MAP4K5: variants seen among roughly 807,000 people sequenced by gnomAD.
MAP4K5 encodes mitogen-activated protein kinase kinase kinase kinase 5, also known as MAPK/ERK kinase kinase kinase 5.
In MAP4K5, 82 loss-of-function variants were observed where a neutral mutation model predicts 135.6. The observed-to-expected ratio is 0.60, with a 90% CI of 0.51 to 0.73. The LOEUF (loss-of-function observed/expected upper bound fraction) is 0.73, where lower values mean the gene tolerates loss of function less well. MAP4K5 is among the 30% of genes least tolerant of loss of function. The pLI is 0.00. For missense variants in MAP4K5, 907 were observed against 1,010.9 expected (o/e 0.90, Z 1.39); for synonymous variants, 347 against 335.0 (o/e 1.04, Z -0.39).
At chr14:50,524,980 C>A (rs2038231147) in intron 2 of MAP4K5, among the ~76,000 whole-genome samples, 1 of 152,164 alleles carries the variant, frequency 6.6e-6, no homozygotes, top group Non-Finnish European at 1.5e-5. Flanking sequence ...AGAACTTCCT[C>A]ATACCGCTTT....
intron 2 of MAP4K5, among the ~76,000 whole-genome samples, chr14:50,514,118 C>A (rs1391501468): frequency 2.0e-5 from 3 of 152,158 alleles, no homozygotes; most frequent in Non-Finnish European, 2.9e-5. Context: ...TGCTCTGTCA[C>A]CCAGGCTGGA....
chr14:50,522,003 T>C (rs1361677839), intron 2 of MAP4K5, among the ~76,000 whole-genome samples: 2 of 152,214 alleles, frequency 1.3e-5, no homozygotes, highest in Admixed American at 1.3e-4. Flanking sequence ...TGCTTGTTAA[T>C]AGAGTTCATG....
At chr14:50,504,327 A>G (rs905897378) in intron 3 of MAP4K5, among the ~76,000 whole-genome samples, 2 of 152,140 alleles carry the variant, frequency 1.3e-5, no homozygotes, top group African/African-American at 2.4e-5. Context: ...TTATTTGCAA[A>G]GCAAACTATT....
intron 2 of MAP4K5, among the ~76,000 whole-genome samples, chr14:50,524,663 G>A (rs78561940): frequency 0.014 from 2,148 of 151,874 alleles, 40 homozygotes; most frequent in African/African-American, 0.049. Context: ...TAGGCGATAA[G>A]ATGGAAGAGA....
intron 1 of MAP4K5, chr14:50,559,413 A>G (rs1386406195): frequency 6.6e-6 from 1 of 152,232 alleles, no homozygotes; most frequent in East Asian, 1.9e-4. Flanking sequence ...AAAGGGAAAG[A>G]TTGAAAGTAT....
intron 2 of MAP4K5, among the ~76,000 whole-genome samples, chr14:50,524,040 T>C (rs978586194): frequency 6.6e-6 from 1 of 152,220 alleles, no homozygotes; most frequent in Admixed American, 6.5e-5. Context: ...CTATGTTTTT[T>C]CCTTTTATCT....
At chr14:50,521,291 G>A (rs2038146506) in intron 2 of MAP4K5, among the ~76,000 whole-genome samples, 1 of 152,166 alleles carries the variant, frequency 6.6e-6, no homozygotes, top group African/African-American at 2.4e-5. Context: ...CTCAGTAGAG[G>A]GGTAAGGCTT....
intron 2 of MAP4K5, among the ~76,000 whole-genome samples, chr14:50,518,728 G>C (rs1326015597): frequency 6.6e-6 from 1 of 152,170 alleles, no homozygotes; most frequent in East Asian, 1.9e-4. Flanking sequence ...ATCTGTCTCT[G>C]AAAAGGTTTC....
In MAP4K5 at chr14:50,492,258, C is replaced by G. The variant is rs1331893936; in HGVS notation, c.167-6064G>C. Among the ~76,000 whole-genome samples, 3 of 151,984 alleles carry G rather than the reference C, an allele frequency of 2.0e-5. No homozygotes were observed. In the East Asian group the frequency reaches 5.8e-4, roughly 29 times the overall value. On this transcript the variant is annotated intron_variant, in intron 3 of 32. Coordinates refer to ENST00000682126, the MANE Select transcript of MAP4K5 (RefSeq NM_006575.6). ...TTTCCAAGATACAACACCAAAAGCA[C>G]AGGTAACAAAAGCAAAAACAGAGAG... is the stretch of plus-strand genomic sequence containing the variant.
intron 10 of MAP4K5, among the ~76,000 whole-genome samples, 176 bp from the exon 11 acceptor site, chr14:50,466,821 CTT>C (rs986979316): frequency 2.6e-5 from 4 of 152,078 alleles, no homozygotes; most frequent in South Asian, 2.1e-4. Context: ...AAAAATTTCT[CTT>C]GACTACAGAG....
intron 5 of MAP4K5, 156 bp from the exon 6 acceptor site, chr14:50,482,572 C>T: frequency 1.2e-5 from 6 of 515,334 alleles, no homozygotes; most frequent in South Asian, 2.2e-5. Context: ...AGGTCAAGAG[C>T]TCGAGACTAT....
chr14:50,438,656 A>C (rs1566640476), intron 23 of MAP4K5, among the ~76,000 whole-genome samples: 1 of 152,150 alleles, frequency 6.6e-6, no homozygotes, highest in Non-Finnish European at 1.5e-5. Context: ...AATACAAAAC[A>C]ATATTTATCT....
intron 1 of MAP4K5, among the ~76,000 whole-genome samples, chr14:50,560,833 G>C (rs1182140229): frequency 6.6e-6 from 1 of 152,198 alleles, no homozygotes; most frequent in Admixed American, 6.5e-5. Flanking sequence ...GCCGGGTCCC[G>C]GACGGACGGT....
At chr14:50,455,069 A>G (rs1477455201) in intron 14 of MAP4K5, among the ~76,000 whole-genome samples, 1 of 152,030 alleles carries the variant, frequency 6.6e-6, no homozygotes, top group Non-Finnish European at 1.5e-5. Context: ...ATCTATGCCA[A>G]TTCGGTATAT....
chr14:50,528,955 T>G (rs1299781703), intron 2 of MAP4K5, among the ~76,000 whole-genome samples: 1 of 152,160 alleles, frequency 6.6e-6, no homozygotes, highest in African/African-American at 2.4e-5. Flanking sequence ...GGAGTAAATT[T>G]AAACTGACAA....
At chr14:50,523,074 G>C (rs183272860) in intron 2 of MAP4K5, among the ~76,000 whole-genome samples, 3 of 152,320 alleles carry the variant, frequency 2.0e-5, no homozygotes, top group Admixed American at 2.0e-4. Flanking sequence ...CACTTTGGGA[G>C]GCTGAGGCGG....
chr14:50,554,661 A>G (rs981837573), intron 1 of MAP4K5, among the ~76,000 whole-genome samples: 2 of 152,218 alleles, frequency 1.3e-5, no homozygotes, highest in Non-Finnish European at 2.9e-5. Context: ...AAGGAAAACA[A>G]TCTCATTGCT....
At chr14:50,466,733 A>G (rs1023684991) in intron 10 of MAP4K5, 88 bp from the exon 11 acceptor site, 2 of 656,230 alleles carry the variant, frequency 3.0e-6, no homozygotes, top group African/African-American at 3.6e-5. Context: ...TTTATACAAG[A>G]CTACCACATA....
chr14:50,422,631 GCTA>G (rs2035759508), intron 32 of MAP4K5, among the ~76,000 whole-genome samples: 1 of 152,016 alleles, frequency 6.6e-6, no homozygotes, highest in South Asian at 2.1e-4. Flanking sequence ...AAAAGCTACA[GCTA>G]CTACATTTTT....
Sources: allele counts gnomAD v4.1 joint callset (sites outside exome capture counted in the v4.1 genomes callset), GRCh38; gene constraint gnomAD v4.1.1; transcripts MANE v1.5; gene names NCBI Gene and HGNC (gene_info 2026-07-23, HGNC 2026-07-21).